PPM1B: variants seen among roughly 807,000 people sequenced by gnomAD.
PPM1B encodes the protein protein phosphatase 1B.
Under a neutral mutation model 43.0 loss-of-function variants are expected in PPM1B, and 22 were observed. The ratio of observed to expected loss-of-function variants is 0.51; its 90% CI spans 0.37 to 0.73. PPM1B has a LOEUF of 0.73. PPM1B is among the 30% of genes least tolerant of loss of function. The probability of loss-of-function intolerance (pLI) is 0.00; values close to 1 mark genes in which losing one functional copy is unlikely to be tolerated. For missense variants in PPM1B, 632 were observed against 584.2 expected, an observed-to-expected ratio of 1.08 and a Z score of -0.84; for synonymous variants, 217 against 197.9, an observed-to-expected ratio of 1.10 and a Z score of -0.81.
chr2:44,187,442 G>A (rs192506740), intron 1 of PPM1B, among the ~76,000 whole-genome samples: 1 of 152,250 alleles, frequency 6.6e-6, no homozygotes, highest in African/African-American at 2.4e-5. Flanking sequence ...CACAGAAGTG[G>A]CATTGCTGGA....
intron 1 of PPM1B, among the ~76,000 whole-genome samples, chr2:44,173,259 A>G (rs1245740830): frequency 6.6e-6 from 1 of 152,246 alleles, no homozygotes; most frequent in East Asian, 1.9e-4. Flanking sequence ...TGATGTTACA[A>G]AATTTTCCAA....
chr2:44,230,130 G>A, intron 5 of PPM1B: 1 of 1,458,094 alleles, frequency 6.9e-7, no homozygotes, highest in South Asian at 1.5e-5. Context: ...TGCTTGTGTT[G>A]CTGTTGAATT....
At chr2:44,232,888 T>A (rs1257463878), downstream of PPM1B, 2 of 972,192 alleles carry the variant, frequency 2.1e-6, no homozygotes, top group African/African-American at 3.5e-5. Context: ...TTTACCTGTA[T>A]TACCAAACTG....
At chr2:44,176,414 C>G (rs531141166) in intron 1 of PPM1B, among the ~76,000 whole-genome samples, 2 of 152,206 alleles carry the variant, frequency 1.3e-5, no homozygotes, top group Non-Finnish European at 2.9e-5. Flanking sequence ...CTTTTGTGCT[C>G]TTAGCAAAGA....
At chr2:44,212,602 A>G (rs1669525039) in intron 3 of PPM1B, among the ~76,000 whole-genome samples, 1 of 152,166 alleles carries the variant, frequency 6.6e-6, no homozygotes, top group Admixed American at 6.5e-5. Context: ...TTTGAGTTTA[A>G]ATCTGCCGTC....
At chr2:44,181,452 C>T (rs1185030798) in intron 1 of PPM1B, among the ~76,000 whole-genome samples, 2 of 152,104 alleles carry the variant, frequency 1.3e-5, no homozygotes, top group African/African-American at 2.4e-5. Context: ...GGAAATGAAG[C>T]TCATGATAAT....
chr2:44,226,693 A>G (rs897684483), intron 5 of PPM1B, among the ~76,000 whole-genome samples: 1 of 138,682 alleles, frequency 7.2e-6, no homozygotes, highest in African/African-American at 2.7e-5. Flanking sequence ...ATTTTGTTTT[A>G]ATGTCCTGTA....
At chr2:44,233,623 G>A (rs1362113772), downstream of PPM1B, 2 of 985,662 alleles carry the variant, frequency 2.0e-6, no homozygotes, top group South Asian at 4.7e-5. Flanking sequence ...AATTGCCCTT[G>A]TGTGTAGTTA....
chr2:44,232,275 C>T (rs775620577), downstream of PPM1B: 1 of 1,590,148 alleles, frequency 6.3e-7, no homozygotes, highest in South Asian at 1.2e-5. Context: ...CTGGAAGTGG[C>T]ATAGGTAAAT....
downstream of PPM1B, chr2:44,231,559 AT>A: frequency 1.5e-6 from 1 of 683,106 alleles, no homozygotes; most frequent in Non-Finnish European, 1.8e-6. Context: ...ATTCATTTGT[AT>A]TTATATAACA....
At chr2:44,209,127 T>C in intron 2 of PPM1B, 83 bp from the exon 3 acceptor site, 1 of 1,206,090 alleles carries the variant, frequency 8.3e-7, no homozygotes, top group Non-Finnish European at 1.1e-6. Flanking sequence ...TTAAATAAAC[T>C]ATAATTGCTT....
chr2:44,181,629 A>G (rs549886223), intron 1 of PPM1B, among the ~76,000 whole-genome samples: 1 of 152,250 alleles, frequency 6.6e-6, no homozygotes, highest in African/African-American at 2.4e-5. Flanking sequence ...GGTTGAATAT[A>G]TATCAAAAGA....
At chr2:44,233,907 T>C, downstream of PPM1B, 1 of 985,438 alleles carries the variant, frequency 1.0e-6, no homozygotes, top group Non-Finnish European at 1.2e-6. Context: ...TGTTAAAAGA[T>C]AGGGAATGAA....
chr2:44,219,196 T>G (rs1669861775), intron 5 of PPM1B: 1 of 151,324 alleles, frequency 6.6e-6, no homozygotes, highest in African/African-American at 2.4e-5. Context: ...GACAGAAGTG[T>G]CCTTTTTTTT....
intron 1 of PPM1B, among the ~76,000 whole-genome samples, chr2:44,169,729 C>G (rs1212173983): frequency 2.0e-5 from 3 of 152,246 alleles, no homozygotes; most frequent in African/African-American, 7.2e-5. Context: ...CACTTCACTT[C>G]CTTGTTAAAT....
At chr2:44,230,125 G>T in intron 5 of PPM1B, 1 of 1,465,336 alleles carries the variant, frequency 6.8e-7, no homozygotes, top group South Asian at 1.4e-5. Flanking sequence ...GGAAATGCTT[G>T]TGTTGCTGTT....
At chr2:44,224,141 T>A (rs1293646669) in intron 5 of PPM1B, among the ~76,000 whole-genome samples, 1 of 152,050 alleles carries the variant, frequency 6.6e-6, no homozygotes. Context: ...TTCTCTACTG[T>A]TATAAGTAGT....
intron 1 of PPM1B, among the ~76,000 whole-genome samples, chr2:44,200,680 A>G (rs908044754): frequency 6.6e-6 from 1 of 152,186 alleles, no homozygotes. Context: ...CTTGATTTCA[A>G]TACTTGCTTT....
intron 5 of PPM1B, among the ~76,000 whole-genome samples, chr2:44,221,595 TAAC>T (rs988053926): frequency 1.8e-4 from 28 of 152,320 alleles, no homozygotes; most frequent in African/African-American, 6.5e-4. Flanking sequence ...TTTTTTTAAA[TAAC>T]AAAAATTATT....
Sources: gnomAD v4.1 joint callset for allele counts (sites outside exome capture counted in the v4.1 genomes callset) on GRCh38, gnomAD v4.1.1 for gene constraint, MANE v1.5 for transcripts, NCBI Gene and HGNC (gene_info 2026-07-23, HGNC 2026-07-21) for gene names.